Variants in CADM3 observed in about 807,000 individuals in gnomAD.
CADM3 encodes cell adhesion molecule 3.
Under a neutral mutation model 44.9 loss-of-function variants are expected in CADM3, and 11 were observed. The observed-to-expected ratio is 0.25, with a 90% CI of 0.15 to 0.41. CADM3 has a LOEUF of 0.41. Ranked by LOEUF, CADM3 falls within the 10% of genes least tolerant of loss-of-function variation. The probability of loss-of-function intolerance (pLI) is 1.00; values close to 1 mark genes in which losing one functional copy is unlikely to be tolerated. For missense variants in CADM3, 426 were observed against 512.0 expected (o/e 0.83, Z 1.62); for synonymous variants, 207 against 205.2 (o/e 1.01, Z -0.08).
rs368377197 is a variant in CADM3, at chr1:159,172,355, T to C, written c.88+502T>C. ...CCAAACTGCTGTATGCAAACATTTC[T>C]GCTCCCCCGCCCGTCCCCCACCACC... On this transcript the variant is annotated intron_variant, in intron 1 of 8. Coordinates refer to ENST00000368125, the MANE Select transcript of CADM3 (RefSeq NM_001127173.3). 6.6e-5 allele frequency among the ~76,000 whole-genome samples: 10 copies of C among 152,226 alleles called. No individual in the cohort carries two copies. The East Asian group carries it at 9.7e-4, about 15-fold the overall frequency.
At chr1:159,180,083 A>G (rs1649171732) in intron 1 of CADM3, among the ~76,000 whole-genome samples, 4 of 152,112 alleles carry the variant, frequency 2.6e-5, no homozygotes, top group Admixed American at 2.6e-4. Flanking sequence ...CTGAGCCTCA[A>G]CCCTGGAGAG....
chr1:159,188,520 T>G (rs1020137399), intron 1 of CADM3, among the ~76,000 whole-genome samples: 2 of 151,822 alleles, frequency 1.3e-5, no homozygotes, highest in Admixed American at 1.3e-4. Context: ...TCTCCCCAGC[T>G]GGCTCTGAGT....
chr1:159,172,433 G>A (rs1648851427), intron 1 of CADM3, among the ~76,000 whole-genome samples: 1 of 152,160 alleles, frequency 6.6e-6, no homozygotes, highest in African/African-American at 2.4e-5. Context: ...GGCTGCTGAA[G>A]GGGGCGTGGG....
chr1:159,189,942 C>T, intron 1 of CADM3: 1 of 1,058,204 alleles, frequency 9.4e-7, no homozygotes, highest in South Asian at 1.4e-5. Context: ...CTCTCCCACT[C>T]ATGTTGCCTT....
chr1:159,182,624 A>G (rs1033602836), intron 1 of CADM3, among the ~76,000 whole-genome samples: 11 of 152,204 alleles, frequency 7.2e-5, no homozygotes, highest in Admixed American at 3.3e-4. Context: ...TTTGGGCAGA[A>G]TTAGGTGCAA....
In CADM3 at chr1:159,191,886, G is replaced by C. The variant is rs1219183059; in HGVS notation, c.89-50G>C. On this transcript the variant is annotated intron_variant, in intron 1 of 8. Transcript: ENST00000368125. ...GAGGTGTACTTTGGCTCAGAAATGG[G>C]AGGAGGGGCTAGGGGTCCTCAGGAA... 3.1e-6 allele frequency: 5 copies of C among 1,610,384 alleles called. No individual in the cohort carries two copies. The South Asian group carries it at 5.5e-5, about 18-fold the overall frequency.
intron 1 of CADM3, among the ~76,000 whole-genome samples, chr1:159,180,567 T>A (rs1230066889): frequency 2.1e-5 from 3 of 141,364 alleles, no homozygotes; most frequent in Non-Finnish European, 4.6e-5. Context: ...TACCGCAATT[T>A]TAAAAATACA....
chr1:159,197,586 C>G (rs907679859), intron 7 of CADM3: 1 of 152,232 alleles, frequency 6.6e-6, no homozygotes, highest in African/African-American at 2.4e-5. Flanking sequence ...GCCATATCTT[C>G]TAGAAGGACC....
rs1165480115 is a variant in CADM3, at chr1:159,173,612, C to T, written c.88+1759C>T. Among the ~76,000 whole-genome samples, 8 of 152,268 alleles carry T rather than the reference C, an allele frequency of 5.3e-5. No homozygotes were observed. In the East Asian group the frequency reaches 1.5e-3, roughly 29 times the overall value. ...TGGGGAGAGCAGGCTAAGTGCACGACAGAGAGGCTGCTGGGTGTTTGTGCT... is the reference window on the plus strand; with the variant it reads ...TGGGGAGAGCAGGCTAAGTGCACGATAGAGAGGCTGCTGGGTGTTTGTGCT... On this transcript the variant is annotated intron_variant, in intron 1 of 8. Transcript: ENST00000368125.
intron 1 of CADM3, among the ~76,000 whole-genome samples, chr1:159,187,764 C>G (rs985637490): frequency 7.2e-5 from 11 of 152,140 alleles, no homozygotes; most frequent in South Asian, 2.1e-4. Context: ...GACGTTGACA[C>G]AGTGCACCCA....
intron 7 of CADM3, among the ~76,000 whole-genome samples, 181 bp from the exon 8 acceptor site, chr1:159,199,570 C>A (rs1650063111): frequency 6.6e-6 from 1 of 152,114 alleles, no homozygotes; most frequent in Non-Finnish European, 1.5e-5. Flanking sequence ...TTTGTTTTAA[C>A]AAATACTATA....
Position 159,200,905 on chromosome 1 carries a change from A to AAGGAATATTTCATCT in CADM3, c.1183_1197dup. 6.2e-7 allele frequency: 1 copy of AAGGAATATTTCATCT among 1,605,496 alleles called. No homozygotes were observed. The highest frequency in any genetic ancestry group is 8.5e-7 in the Non-Finnish European group (1 of 1,175,956). On this transcript the variant is annotated stop_gained and inframe_insertion, in exon 9 of 9. Transcript: ENST00000368125. LOFTEE classifies it high-confidence loss of function. ...CGGGCAGTCAGGAGGGGACGACAAG[A>AAGGAATATTTCATCT]AGGAATATTTCATCTAGAGGCGCCT...
At chr1:159,171,918 G>C in intron 1 of CADM3, 65 bp downstream of exon 1, 1 of 1,082,062 alleles carries the variant, frequency 9.2e-7, no homozygotes. Flanking sequence ...GCTGGGATCG[G>C]GAGTCTCGCG....
At chr1:159,183,517 C>T (rs1180812653) in intron 1 of CADM3, among the ~76,000 whole-genome samples, 2 of 152,052 alleles carry the variant, frequency 1.3e-5, no homozygotes, top group African/African-American at 4.8e-5. Flanking sequence ...GGAGAGAAGG[C>T]CTAGATCAGG....
Position 159,183,180 on chromosome 1 carries a change from A to T in CADM3, c.89-8756A>T, listed in dbSNP as rs201483980. Among the ~76,000 whole-genome samples, 498 of 152,308 alleles carry T rather than the reference A, an allele frequency of 3.3e-3. 5 individuals carry two copies. The highest frequency in any genetic ancestry group is 2.6e-3 in the Non-Finnish European group (175 of 68,010). On this transcript the variant is annotated intron_variant, in intron 1 of 8. Coordinates refer to ENST00000368125, the MANE Select transcript of CADM3 (RefSeq NM_001127173.3). ...CTTCCAAATCTAAATCTCTTAGATA[A>T]TCTAATAGTGTAGGACCCCTGGGTC... is the stretch of plus-strand genomic sequence containing the variant.
intron 5 of CADM3, chr1:159,194,583 A>G (rs958917139): frequency 6.6e-6 from 1 of 152,338 alleles, no homozygotes; most frequent in South Asian, 2.1e-4. Flanking sequence ...CGTGGGGATC[A>G]CTACAGTTTT....
chr1:159,195,503 C>G (rs1255860705), intron 5 of CADM3: 8 of 152,224 alleles, frequency 5.3e-5, no homozygotes, highest in Non-Finnish European at 7.3e-5. Flanking sequence ...GCCAGGGACC[C>G]TTTTAGCCCA....
chr1:159,183,576 G>A (rs1469375615), intron 1 of CADM3, among the ~76,000 whole-genome samples: 1 of 152,194 alleles, frequency 6.6e-6, no homozygotes, highest in Non-Finnish European at 1.5e-5. Context: ...CAAAGTGGAT[G>A]TGAGCTGGAA....
chr1:159,185,803 T>G (rs1174259336), intron 1 of CADM3, among the ~76,000 whole-genome samples: 1 of 152,224 alleles, frequency 6.6e-6, no homozygotes, highest in Non-Finnish European at 1.5e-5. Flanking sequence ...ATCTGATTCA[T>G]TTAATAAAGA....
Sources: gnomAD v4.1 joint callset for allele counts (sites outside exome capture counted in the v4.1 genomes callset) on GRCh38, gnomAD v4.1.1 for gene constraint, MANE v1.5 for transcripts, NCBI Gene and HGNC (gene_info 2026-07-23, HGNC 2026-07-21) for gene names.